The following GSE1 variants were observed in gnomAD, a reference collection of about 807,000 sequenced individuals.
The protein encoded by GSE1 is genetic suppressor element 1.
Under a neutral mutation model 112.6 loss-of-function variants are expected in GSE1, and 32 were observed. That is an observed-to-expected ratio of 0.28 (90% CI 0.21 to 0.38). GSE1 has a LOEUF of 0.38. GSE1 is among the 10% of genes least tolerant of loss of function. The pLI, the probability that GSE1 is intolerant of heterozygous loss-of-function variation, is 1.00. For missense variants in GSE1, 2,348 were observed against 1,699.2 expected (o/e 1.38, Z -6.71); for synonymous variants, 1,115 against 735.6 (o/e 1.52, Z -8.35).
rs539027895 is a variant in GSE1 at position 85,499,396 on chromosome 16, C to T, written c.2465-134518C>T. ...CGTGATCTCGGCTCACTGCAAGCTC[C>T]GCCTCCCAGGTTCACACCATTCTCC... is the stretch of plus-strand genomic sequence containing the variant. On this transcript the variant is annotated intron_variant, in intron 2 of 2. Transcript: ENST00000637419. Among the ~76,000 whole-genome samples, 459 of 150,024 alleles carry T rather than the reference C, an allele frequency of 3.1e-3. 6 individuals are homozygous for T. The highest frequency in any genetic ancestry group is 2.9e-3 in the Non-Finnish European group (198 of 67,696).
chr16:85,249,684 G>T (rs552064279), intron 1 of GSE1, among the ~76,000 whole-genome samples: 1 of 152,196 alleles, frequency 6.6e-6, no homozygotes, highest in African/African-American at 2.4e-5. Context: ...TGGGGCTCCC[G>T]TTGTCCAGCT....
At chr16:85,607,113 G>GCT (rs999587779), upstream of GSE1, among the ~76,000 whole-genome samples, 8 of 151,874 alleles carry the variant, frequency 5.3e-5, no homozygotes, top group African/African-American at 1.9e-4. Context: ...GGAGGGAGGA[G>GCT]AGCCATGGCT....
rs1447093636 is a variant in GSE1, at chr16:85,663,358, G to A, written c.2388G>A (p.Leu796=). The A allele has an allele frequency of 6.2e-7, 1 of 1,613,016 alleles. No individual in the cohort carries two copies. The highest frequency in any genetic ancestry group is 1.1e-5 in the South Asian group (1 of 91,042). Residue 796 remains leucine, a synonymous_variant, in exon 11 of 16, where the codon TTG becomes TTA. Coordinates refer to ENST00000253458, the MANE Select transcript of GSE1 (RefSeq NM_014615.5). ...TCCCAATCTAGAAGCTAGAGTTTTT[G>A]CAACTTTTTGGCTTGACCACCCAAC... ...LDTSSEKLEF[L]QLFGLTTQQQ...
chr16:85,631,272 G>A (rs2049518516), intron 1 of GSE1, among the ~76,000 whole-genome samples: 1 of 152,244 alleles, frequency 6.6e-6, no homozygotes, highest in Non-Finnish European at 1.5e-5. Context: ...ACTGCCCATG[G>A]CAGCCCCTAT....
chr16:85,243,874 C>T lies in GSE1; in HGVS notation c.2283+72067C>T, dbSNP rs185136974. On this transcript the variant is annotated intron_variant, in intron 1 of 2. Transcript: ENST00000637419. ...AGGCACGGTGGCTCACGCCTGTAAT[C>T]GCAGCACTTTGGGAGGCCGAGGTGG... Among the ~76,000 whole-genome samples the T allele has an allele frequency of 3.3e-5, 5 of 152,270 alleles. No homozygotes were observed. The South Asian group carries it at 1.0e-3, about 32-fold the overall frequency.
chr16:85,492,977 C>T (rs1846301778), intron 2 of GSE1, among the ~76,000 whole-genome samples: 1 of 152,136 alleles, frequency 6.6e-6, no homozygotes, highest in Admixed American at 6.5e-5. Context: ...AGTATGTGAT[C>T]GGTCTGTGGG....
At chr16:85,384,241 A>G (rs538427144) in intron 2 of GSE1, among the ~76,000 whole-genome samples, 1 of 152,076 alleles carries the variant, frequency 6.6e-6, no homozygotes, top group East Asian at 1.9e-4. Flanking sequence ...CCTCTCCGAG[A>G]GGAGCAAGAA....
intron 2 of GSE1, among the ~76,000 whole-genome samples, chr16:85,418,468 C>T (rs1006809501): frequency 6.6e-6 from 1 of 152,224 alleles, no homozygotes; most frequent in Non-Finnish European, 1.5e-5. Flanking sequence ...CCAGATCAGC[C>T]CTTAGCACAA....
intron 1 of GSE1, among the ~76,000 whole-genome samples, chr16:85,287,535 G>A (rs549255254): frequency 2.9e-4 from 44 of 152,150 alleles, no homozygotes; most frequent in African/African-American, 1.0e-3. Flanking sequence ...CAGCCACGCC[G>A]CTGCCTCAGG....
At chr16:85,662,065 C>G (rs1431020875) in intron 9 of GSE1, among the ~76,000 whole-genome samples, 4 of 152,212 alleles carry the variant, frequency 2.6e-5, no homozygotes, top group Non-Finnish European at 5.9e-5. Flanking sequence ...TGAGCGGAGG[C>G]TAATAAGATA....
chr16:85,459,103 C>T (rs2049907994), intron 2 of GSE1, among the ~76,000 whole-genome samples: 1 of 152,204 alleles, frequency 6.6e-6, no homozygotes, highest in Admixed American at 6.5e-5. Context: ...TCATCCTCTG[C>T]TTACACAGTG....
At chr16:85,263,531 G>A (rs2144122348) in intron 1 of GSE1, among the ~76,000 whole-genome samples, 1 of 151,926 alleles carries the variant, frequency 6.6e-6, no homozygotes, top group East Asian at 1.9e-4. Context: ...TACCTCGGGG[G>A]CACCTAGGGT....
chr16:85,394,793 C>T (rs2047930003), intron 2 of GSE1, among the ~76,000 whole-genome samples: 1 of 152,104 alleles, frequency 6.6e-6, no homozygotes, highest in Admixed American at 6.5e-5. Context: ...CGTGCCACTT[C>T]CAAAAATCCA....
At chr16:85,201,338 GTTT>G (rs11297737) in intron 1 of GSE1, among the ~76,000 whole-genome samples, 28 of 136,744 alleles carry the variant, frequency 2.0e-4, no homozygotes, top group Non-Finnish European at 2.7e-4. Context: ...TCCCTTTGGT[GTTT>G]TTTTTTTTTT....
rs2053632014 is a variant in GSE1 at position 85,675,492 on chromosome 16, A to G, written c.*2953A>G. ...GTCTACATTCTAATCTTAAAGGAAT[A>G]AAGCACTGAATTGGGACTAACATTC... On this transcript the variant is annotated 3_prime_UTR_variant, in exon 16 of 16. Transcript: ENST00000253458. 1 of 152,250 alleles carries G rather than the reference A, an allele frequency of 6.6e-6. No individual in the cohort carries two copies. The highest frequency in any genetic ancestry group is 1.5e-5 in the Non-Finnish European group (1 of 68,046). 9.4% of individuals were successfully genotyped at this position (152,250 alleles called of 1,614,324 possible). A position where few individuals can be genotyped will look rare whatever the true frequency, so the allele number is the denominator to read the frequency against.
At chr16:85,630,640 C>G (rs1005864735) in intron 1 of GSE1, among the ~76,000 whole-genome samples, 2 of 152,190 alleles carry the variant, frequency 1.3e-5, no homozygotes, top group Non-Finnish European at 2.9e-5. Context: ...CATTACAGTT[C>G]AACGTATCTT....
upstream of GSE1, among the ~76,000 whole-genome samples, chr16:85,612,946 C>G (rs116088956): frequency 6.6e-6 from 1 of 152,196 alleles, no homozygotes; most frequent in Non-Finnish European, 1.5e-5. Context: ...GTCTTAGCCA[C>G]CAAGGTCCCC....
At chr16:85,598,988 C>T (rs2047352251) in intron 1 of GSE1, among the ~76,000 whole-genome samples, 1 of 152,240 alleles carries the variant, frequency 6.6e-6, no homozygotes, top group African/African-American at 2.4e-5. Context: ...TCTCCTACTC[C>T]CCCTCAATTA....
intron 1 of GSE1, among the ~76,000 whole-genome samples, chr16:85,582,345 G>A (rs1026035227): frequency 1.3e-5 from 2 of 152,230 alleles, no homozygotes; most frequent in Non-Finnish European, 2.9e-5. Flanking sequence ...GAACTCCACT[G>A]CAGAAGCTGG....
Sources: gnomAD v4.1 joint callset for allele counts (sites outside exome capture counted in the v4.1 genomes callset) on GRCh38, gnomAD v4.1.1 for gene constraint, MANE v1.5 for transcripts, NCBI Gene and HGNC (gene_info 2026-07-23, HGNC 2026-07-21) for gene names.